Variants in STIMATE observed in about 807,000 individuals in gnomAD.
STIMATE encodes store-operated calcium entry regulator STIMATE.
STIMATE carries 15 observed loss-of-function variants against 36.7 expected under a neutral mutation model. The observed-to-expected ratio is 0.41, with a 90% CI of 0.27 to 0.63. The LOEUF (loss-of-function observed/expected upper bound fraction) is 0.63, where lower values mean the gene tolerates loss of function less well. STIMATE is among the 20% of genes least tolerant of loss of function. The probability of loss-of-function intolerance (pLI) is 0.32; values close to 1 mark genes in which losing one functional copy is unlikely to be tolerated. For missense variants in STIMATE, 305 were observed against 397.3 expected (o/e 0.77, Z 1.98); for synonymous variants, 163 against 162.3 (o/e 1.00, Z -0.03).
intron 1 of STIMATE, among the ~76,000 whole-genome samples, chr3:52,891,664 G>A (rs1463170346): frequency 1.3e-5 from 2 of 152,176 alleles, no homozygotes; most frequent in African/African-American, 4.8e-5. Context: ...TGGGCTAAAG[G>A]TGCTTTTCTT....
At chr3:52,873,883 AC>A (rs1380081381) in intron 1 of STIMATE, among the ~76,000 whole-genome samples, 1 of 152,200 alleles carries the variant, frequency 6.6e-6, no homozygotes, top group East Asian at 1.9e-4. Flanking sequence ...CATCACCACT[AC>A]ACTGCTAACT....
chr3:52,879,651 T>C (rs561364966), intron 1 of STIMATE, among the ~76,000 whole-genome samples: 75 of 152,334 alleles, frequency 4.9e-4, no homozygotes, highest in Admixed American at 1.9e-3. Flanking sequence ...CAATGCTCAC[T>C]TTGTTCATCT....
At chr3:52,848,873 G>A (rs552120114) in intron 4 of STIMATE, among the ~76,000 whole-genome samples, 1 of 152,280 alleles carries the variant, frequency 6.6e-6, no homozygotes, top group Non-Finnish European at 1.5e-5. Context: ...CATCAAGTAC[G>A]GGGCTAAGAA....
chr3:52,850,696 C>A (rs1357850534), intron 3 of STIMATE, among the ~76,000 whole-genome samples: 1 of 152,118 alleles, frequency 6.6e-6, no homozygotes, highest in African/African-American at 2.4e-5. Context: ...TTCGCCCATC[C>A]CCATCTGCAG....
chr3:52,836,751 T>C lies in STIMATE; in HGVS notation c.*3743A>G. ...GTGATGGTTTCTTTTTAAAAAAAAC[T>C]GTAATAAGATGCCAAACTTTATTGT... On this transcript the variant is annotated 3_prime_UTR_variant, in exon 8 of 8. Transcript: ENST00000355083. 1 of 365,528 alleles carries C rather than the reference T, an allele frequency of 2.7e-6. No homozygotes were observed. Among genetic ancestry groups the C allele is most frequent in the Non-Finnish European group, 5.5e-6 (1 of 180,376 alleles). The allele number at this position is 365,528 out of a possible 1,614,324, so 22.6% of individuals were successfully genotyped here.
chr3:52,853,413 C>T (rs1204452546), intron 2 of STIMATE, among the ~76,000 whole-genome samples: 2 of 152,218 alleles, frequency 1.3e-5, no homozygotes, highest in African/African-American at 2.4e-5. Context: ...GTGGAGACAG[C>T]GTGTGCCTTC....
chr3:52,863,338 G>T (rs1701249271), intron 1 of STIMATE, among the ~76,000 whole-genome samples: 1 of 152,106 alleles, frequency 6.6e-6, no homozygotes, highest in South Asian at 2.1e-4. Flanking sequence ...GAGAAAATGA[G>T]GAAGATGAAA....
At position 52,842,919 on chromosome 3, in the gene STIMATE, C is replaced by T. The variant is rs761377295; in HGVS notation, c.660G>A (p.Lys220=). The change falls in exon 7 of 8, where the codon AAG becomes AAA. Residue 220 remains lysine, a synonymous_variant. Coordinates refer to ENST00000355083, the MANE Select transcript of STIMATE (RefSeq NM_198563.5). ...FWVVDNFLMR[K]GKTKAKLEER... ...CTTCTAGCTTAGCTTTCGTCTTCCC[C>T]TTTCTCATGAGGAAATTGTCCACTA... 6.2e-7 allele frequency: 1 copy of T among 1,614,230 alleles called. No individual in the cohort carries two copies.
At chr3:52,878,216 G>C (rs1366660929) in intron 1 of STIMATE, among the ~76,000 whole-genome samples, 2 of 152,150 alleles carry the variant, frequency 1.3e-5, no homozygotes, top group African/African-American at 2.4e-5. Context: ...GTGGTCATGA[G>C]AGGCAAGGGA....
chr3:52,893,885 A>G (rs1432760639), intron 1 of STIMATE, among the ~76,000 whole-genome samples: 1 of 152,176 alleles, frequency 6.6e-6, no homozygotes, highest in East Asian at 1.9e-4. Context: ...TTTGCTTTGC[A>G]TTCACATGTC....
intron 1 of STIMATE, among the ~76,000 whole-genome samples, chr3:52,866,472 C>T (rs1232065399): frequency 1.3e-5 from 2 of 152,192 alleles, no homozygotes; most frequent in African/African-American, 2.4e-5. Context: ...ATGCTCACGC[C>T]CTCCCCTGAG....
At chr3:52,858,853 G>A (rs759934638) in intron 1 of STIMATE, among the ~76,000 whole-genome samples, 42 of 152,146 alleles carry the variant, frequency 2.8e-4, no homozygotes, top group Middle Eastern at 6.8e-3. Context: ...ACAATACTAA[G>A]CAGTTGCTAA....
At chr3:52,890,681 A>C (rs1261041875) in intron 1 of STIMATE, among the ~76,000 whole-genome samples, 1 of 152,246 alleles carries the variant, frequency 6.6e-6, no homozygotes, top group Non-Finnish European at 1.5e-5. Flanking sequence ...GCTTCTATGC[A>C]TACACAAGGA....
chr3:52,889,734 T>C lies in STIMATE; in HGVS notation c.160+7557A>G, dbSNP rs578226718. On this transcript the variant is annotated intron_variant, in intron 1 of 7. Coordinates refer to ENST00000355083, the MANE Select transcript of STIMATE (RefSeq NM_198563.5). ...TACTGGGTCCCTGTTTCTTCTTCTG[T>C]AGTCCCAAAGATAAACAGTGTATGT... is the stretch of plus-strand genomic sequence containing the variant. Among the ~76,000 whole-genome samples the C allele has an allele frequency of 2.6e-5, 4 of 152,226 alleles. No individual in the cohort carries two copies. The East Asian group carries it at 7.7e-4, about 29-fold the overall frequency.
At position 52,840,494 on chromosome 3, in the gene STIMATE, T is replaced by G. The variant is rs1700776793; in HGVS notation, c.885A>C (p.Ter295CysextTer138). 1 of 1,613,524 alleles carries G rather than the reference T, an allele frequency of 6.2e-7. No individual in the cohort carries two copies. The highest frequency in any genetic ancestry group is 8.5e-7 in the Non-Finnish European group (1 of 1,179,748). ...KKKHRFGLPV[*>C] ...CCGTCACCCCCAGCATGGGAATGTG[T>G]CATACGGGTAGCCCAAAGCGGTGCT... is the stretch of plus-strand genomic sequence containing the variant. The change falls in exon 8 of 8, where the codon TGA (stop) becomes TGC (cysteine). Residue 295 changes from the stop codon to cysteine, a stop_lost. Transcript: ENST00000355083.
At chr3:52,846,721 C>A (rs2106657537) in intron 4 of STIMATE, among the ~76,000 whole-genome samples, 1 of 152,340 alleles carries the variant, frequency 6.6e-6, no homozygotes, top group Non-Finnish European at 1.5e-5. Context: ...GCACCTGTGA[C>A]CCCGTCTGGC....
At chr3:52,843,249 G>C in intron 6 of STIMATE, 1 of 476,186 alleles carries the variant, frequency 2.1e-6, no homozygotes, top group Non-Finnish European at 3.7e-6. Flanking sequence ...AAGGTCTCTG[G>C]ACACGCGTTC....
chr3:52,868,593 T>C (rs910585781), intron 1 of STIMATE, among the ~76,000 whole-genome samples: 3 of 152,184 alleles, frequency 2.0e-5, no homozygotes, highest in African/African-American at 7.2e-5. Context: ...TCACCACCTA[T>C]TGAGTACTCA....
intron 1 of STIMATE, among the ~76,000 whole-genome samples, chr3:52,859,063 G>C (rs1701157177): frequency 6.6e-6 from 1 of 151,652 alleles, no homozygotes; most frequent in Admixed American, 6.6e-5. Context: ...TTGGGAGGCA[G>C]AGGCAGGAGA....
Sources: gnomAD v4.1 joint callset for allele counts (sites outside exome capture counted in the v4.1 genomes callset) on GRCh38, gnomAD v4.1.1 for gene constraint, MANE v1.5 for transcripts, NCBI Gene and HGNC (gene_info 2026-07-23, HGNC 2026-07-21) for gene names.